NELL1: variants seen among roughly 807,000 people sequenced by gnomAD.
NELL1 encodes protein kinase C-binding protein NELL1.
In NELL1, 76 loss-of-function variants were observed where a neutral mutation model predicts 107.4. The ratio of observed to expected loss-of-function variants is 0.71; its 90% CI spans 0.59 to 0.86. NELL1 has a LOEUF of 0.86. Ranked by LOEUF, NELL1 falls within the 40% of genes least tolerant of loss-of-function variation. The pLI is 0.00. For synonymous variants in NELL1, 353 were observed against 341.2 expected, an observed-to-expected ratio of 1.03 and a Z score of -0.38; for missense variants, 1,024 against 1,005.5, an observed-to-expected ratio of 1.02 and a Z score of -0.25.
At chr11:21,038,096 A>G (rs184099660) in intron 12 of NELL1, among the ~76,000 whole-genome samples, 1 of 152,290 alleles carries the variant, frequency 6.6e-6, no homozygotes, top group East Asian at 1.9e-4. Context: ...TTATGTGTTT[A>G]TAGTTAGGGT....
chr11:21,141,806 C>T (rs904965780), intron 13 of NELL1, among the ~76,000 whole-genome samples: 1 of 151,692 alleles, frequency 6.6e-6, no homozygotes, highest in Non-Finnish European at 1.5e-5. Context: ...TCCTGTCGCC[C>T]AGGCTGGATT....
chr11:21,529,939 A>G (rs530237022), intron 15 of NELL1, among the ~76,000 whole-genome samples: 1 of 152,270 alleles, frequency 6.6e-6, no homozygotes, highest in South Asian at 2.1e-4. Flanking sequence ...CAGGAATTTG[A>G]AGTCATGTTT....
chr11:21,316,265 T>C (rs1275612141), intron 14 of NELL1, among the ~76,000 whole-genome samples: 1 of 152,168 alleles, frequency 6.6e-6, no homozygotes, highest in Non-Finnish European at 1.5e-5. Context: ...TTATGACTTT[T>C]ATTTGACATC....
At chr11:21,385,594 C>T (rs1387404395) in intron 15 of NELL1, among the ~76,000 whole-genome samples, 1 of 151,846 alleles carries the variant, frequency 6.6e-6, no homozygotes, top group Non-Finnish European at 1.5e-5. Context: ...GATTTCAGAA[C>T]ACAAGTCTTC....
intron 15 of NELL1, among the ~76,000 whole-genome samples, chr11:21,373,990 C>T (rs1218210921): frequency 6.6e-6 from 1 of 151,968 alleles, no homozygotes; most frequent in Non-Finnish European, 1.5e-5. Flanking sequence ...GGACAGAATG[C>T]CACACGGATG....
At chr11:21,115,448 G>A (rs559138803) in intron 13 of NELL1, among the ~76,000 whole-genome samples, 11 of 152,012 alleles carry the variant, frequency 7.2e-5, no homozygotes, top group Admixed American at 2.0e-4. Flanking sequence ...AAGAAAGGAG[G>A]GGAGAGGAAC....
chr11:21,272,962 G>A (rs545176128), intron 14 of NELL1, among the ~76,000 whole-genome samples: 1 of 152,298 alleles, frequency 6.6e-6, no homozygotes, highest in South Asian at 2.1e-4. Flanking sequence ...AAAAAACAGA[G>A]CAGAAAAACT....
intron 2 of NELL1, among the ~76,000 whole-genome samples, chr11:20,715,917 G>T (rs957934289): frequency 1.3e-5 from 2 of 152,160 alleles, no homozygotes; most frequent in Admixed American, 1.3e-4. Context: ...AATTAGATCT[G>T]TATTGACTAC....
At chr11:20,679,233 A>G (rs1345394740) in intron 2 of NELL1, among the ~76,000 whole-genome samples, 1 of 152,174 alleles carries the variant, frequency 6.6e-6, no homozygotes, top group African/African-American at 2.4e-5. Context: ...AGGCCACTTA[A>G]CAGCTTTGTG....
chr11:21,221,667 A>T (rs1857760282), intron 13 of NELL1, among the ~76,000 whole-genome samples: 1 of 152,104 alleles, frequency 6.6e-6, no homozygotes, highest in Non-Finnish European at 1.5e-5. Flanking sequence ...GTTTGTTGGC[A>T]TATAGCTATC....
intron 5 of NELL1, among the ~76,000 whole-genome samples, chr11:20,889,964 G>C (rs1849585260): frequency 6.6e-6 from 1 of 152,136 alleles, no homozygotes; most frequent in African/African-American, 2.4e-5. Context: ...AGACGAGTAG[G>C]TTTCCCCCCA....
chr11:21,022,808 G>A (rs1415089885), intron 12 of NELL1, among the ~76,000 whole-genome samples: 3 of 152,092 alleles, frequency 2.0e-5, no homozygotes, highest in African/African-American at 7.2e-5. Flanking sequence ...ATTAGATTAT[G>A]TATGTATAGT....
rs78669121 is a variant in NELL1, at chr11:20,881,453, T to A, written c.507-3991T>A. ...AGGATCTGATTTCAAATCCCAGCGG[T>A]GTCACTCACAAGCTGCTTAACCAAG... is the stretch of plus-strand genomic sequence containing the variant. On this transcript the variant is annotated intron_variant, in intron 4 of 19. Coordinates refer to ENST00000357134, the MANE Select transcript of NELL1 (RefSeq NM_006157.5). Among the ~76,000 whole-genome samples, 1,419 of 152,244 alleles carry A rather than the reference T, an allele frequency of 9.3e-3. 19 individuals carry two copies. The highest frequency in any genetic ancestry group is 0.033 in the African/African-American group (1,361 of 41,520).
chr11:21,429,241 T>A (rs1449661251), intron 15 of NELL1, among the ~76,000 whole-genome samples: 1 of 152,196 alleles, frequency 6.6e-6, no homozygotes, highest in African/African-American at 2.4e-5. Flanking sequence ...AACTGAAAAG[T>A]CAAAAGTGTT....
At chr11:21,517,179 A>C (rs1361166671) in intron 15 of NELL1, among the ~76,000 whole-genome samples, 2 of 151,956 alleles carry the variant, frequency 1.3e-5, no homozygotes, top group African/African-American at 4.8e-5. Context: ...TAGGCAAATC[A>C]CCTCTCTCAT....
chr11:21,385,493 T>C (rs1057034880), intron 15 of NELL1, among the ~76,000 whole-genome samples: 1 of 151,852 alleles, frequency 6.6e-6, no homozygotes, highest in African/African-American at 2.4e-5. Flanking sequence ...CCCTCACTTT[T>C]CCATTCAATC....
rs967420797 is a variant in NELL1, at chr11:21,483,779, T to G, written c.1646-50595T>G. The stretch of plus-strand genomic sequence containing the variant: ...TAGCATAAGGTGTAATTAAGTAAAA[T>G]AGGATACCCAAATAATGGAATATTG... On this transcript the variant is annotated intron_variant, in intron 15 of 19. Transcript: ENST00000357134. Among the ~76,000 whole-genome samples, 3 of 149,844 alleles carry G rather than the reference T, an allele frequency of 2.0e-5. No individual in the cohort carries two copies. The Admixed American group carries it at 2.0e-4, about 10-fold the overall frequency.
chr11:20,706,902 T>C (rs975744368), intron 2 of NELL1, among the ~76,000 whole-genome samples: 2 of 152,168 alleles, frequency 1.3e-5, no homozygotes, highest in Non-Finnish European at 2.9e-5. Flanking sequence ...TTCTCTGTAT[T>C]TCCTGAATTT....
At chr11:20,944,970 T>A (rs1240262859) in intron 10 of NELL1, among the ~76,000 whole-genome samples, 1 of 152,222 alleles carries the variant, frequency 6.6e-6, no homozygotes, top group East Asian at 1.9e-4. Flanking sequence ...TTTACAAAAA[T>A]ATATACTTAT....
Sources: allele counts gnomAD v4.1 joint callset (sites outside exome capture counted in the v4.1 genomes callset), GRCh38; gene constraint gnomAD v4.1.1; transcripts MANE v1.5; gene names NCBI Gene and HGNC (gene_info 2026-07-23, HGNC 2026-07-21).